ASB2: variants seen among roughly 807,000 people sequenced by gnomAD.
ASB2 encodes ankyrin repeat and SOCS box containing 2.
Under a neutral mutation model 62.4 loss-of-function variants are expected in ASB2, and 58 were observed. The observed-to-expected ratio is 0.93, with a 90% CI of 0.75 to 1.16. The LOEUF (loss-of-function observed/expected upper bound fraction) is 1.16. Ranked by LOEUF, ASB2 falls within the 50% of genes most tolerant of loss-of-function variation. ASB2 has a pLI of 0.00. For missense variants in ASB2, 928 were observed against 887.9 expected, an observed-to-expected ratio of 1.05 and a Z score of -0.57; for synonymous variants, 386 against 385.3, an observed-to-expected ratio of 1.00 and a Z score of -0.02.
intron 2 of ASB2, chr14:93,957,173 G>T: frequency 7.4e-7 from 1 of 1,350,424 alleles, no homozygotes; most frequent in Non-Finnish European, 9.5e-7. Flanking sequence ...GAAAGAGGCA[G>T]ATAGGAAGCA....
chr14:93,955,248 C>T, intron 3 of ASB2: 1 of 443,808 alleles, frequency 2.3e-6, no homozygotes, highest in Non-Finnish European at 4.6e-6. Context: ...GACACCCACG[C>T]CATGTTGGGC....
chr14:93,939,197 A>G lies in ASB2; in HGVS notation c.1528T>C (p.Tyr510His), dbSNP rs151296017. The change falls in exon 8 of 10, where the codon TAC (tyrosine) becomes CAC (histidine). Residue 510 changes from tyrosine to histidine, a missense_variant. By Grantham distance (83) the Tyr-to-His change is moderately conservative. Coordinates refer to ENST00000555019, the MANE Select transcript of ASB2 (RefSeq NM_001202429.2). ...CDGEPCFSCLYGNGPHPPAPQ... is the reference protein window; with the variant it reads ...CDGEPCFSCLHGNGPHPPAPQ... ...GCCGGCGGGTGCGGGCCGTTGCCGTAGAGGCATGAGAAGCAGGGCTCGCCG... is the reference window on the plus strand; with the variant it reads ...GCCGGCGGGTGCGGGCCGTTGCCGTGGAGGCATGAGAAGCAGGGCTCGCCG... 301 of 1,603,784 alleles carry G rather than the reference A, an allele frequency of 1.9e-4. 1 individual carries two copies. The African/African-American group carries it at 3.3e-3, about 18-fold the overall frequency.
chr14:93,967,756 G>C (rs1950349), intron 1 of ASB2, among the ~76,000 whole-genome samples: 4 of 152,026 alleles, frequency 2.6e-5, no homozygotes, highest in Admixed American at 6.5e-5. Context: ...CCCTATGGCC[G>C]TGTCGACAAA....
At chr14:93,957,964 G>A (rs574102841) in intron 2 of ASB2, among the ~76,000 whole-genome samples, 1 of 152,276 alleles carries the variant, frequency 6.6e-6, no homozygotes, top group South Asian at 2.1e-4. Context: ...GTGGGGCATG[G>A]GGTAATTATG....
intron 1 of ASB2, 128 bp downstream of exon 1, chr14:93,976,304 CGA>C (rs943811905): frequency 6.6e-6 from 1 of 152,128 alleles, no homozygotes; most frequent in Non-Finnish European, 1.5e-5. Flanking sequence ...CAAGAAAATA[CGA>C]GAGAGAGGGA....
chr14:93,941,761 C>A (rs1595303645), intron 7 of ASB2: 1 of 447,566 alleles, frequency 2.2e-6, no homozygotes, highest in East Asian at 7.0e-5. Context: ...CAGCTGGTCT[C>A]CGGCAGTTCT....
chr14:93,960,115 G>A (rs1199457137), intron 2 of ASB2, among the ~76,000 whole-genome samples: 1 of 152,168 alleles, frequency 6.6e-6, no homozygotes, highest in African/African-American at 2.4e-5. Context: ...CAGTCCACTT[G>A]GTGAAGGAGA....
At position 93,954,341 on chromosome 14, in the gene ASB2, C is replaced by G. The variant is rs1889091377; in HGVS notation, c.454G>C (p.Gly152Arg). 1 of 1,613,774 alleles carries G rather than the reference C, an allele frequency of 6.2e-7. No homozygotes were observed. The highest frequency in any genetic ancestry group is 8.5e-7 in the Non-Finnish European group (1 of 1,179,924). The change falls in exon 4 of 10, where the codon GGC becomes CGC. Residue 152 changes from glycine (G) to arginine (R), a missense_variant. Physicochemically the swap from Gly to Arg is moderately radical, Grantham distance 125. Transcript: ENST00000555019. ...LHEAAYYGQV[G>R]CLKVLQRAYP... ...CCTCGCTGCAGGACTTTCAGGCAGCCCACCTGGCCATAGTATGCGGCCTCG... is the reference window on the plus strand; with the variant it reads ...CCTCGCTGCAGGACTTTCAGGCAGCGCACCTGGCCATAGTATGCGGCCTCG...
rs1889527918 is a variant in ASB2, at chr14:93,964,627, A to G, written c.-73-15T>C. The stretch of plus-strand genomic sequence containing the variant: ...ATCAGAAAACCCTGTGAGGAAACCA[A>G]AACCATCCTGGTCACGAACAGTTTT... On this transcript the variant is annotated splice_polypyrimidine_tract_variant and intron_variant, in intron 1 of 9. Transcript: ENST00000555019. 2 of 1,244,612 alleles carry G rather than the reference A, an allele frequency of 1.6e-6. No individual in the cohort carries two copies. The highest frequency in any genetic ancestry group is 2.3e-6 in the Non-Finnish European group (2 of 883,338). 77.1% of individuals were successfully genotyped at this position (1,244,612 alleles called of 1,614,324 possible).
chr14:93,953,874 T>C (rs2141296099), intron 4 of ASB2, among the ~76,000 whole-genome samples: 1 of 152,316 alleles, frequency 6.6e-6, no homozygotes, highest in East Asian at 1.9e-4. Flanking sequence ...AGGTGACACC[T>C]GCCTGCAGGA....
intron 2 of ASB2, among the ~76,000 whole-genome samples, chr14:93,960,325 A>T (rs911850197): frequency 6.6e-6 from 1 of 152,166 alleles, no homozygotes; most frequent in East Asian, 1.9e-4. Flanking sequence ...CTTCACCCTC[A>T]TTAGACTGTG....
chr14:93,943,527 C>T (rs908737611), intron 7 of ASB2, among the ~76,000 whole-genome samples: 2 of 152,128 alleles, frequency 1.3e-5, no homozygotes, highest in Admixed American at 1.3e-4. Flanking sequence ...ACCTGTAATC[C>T]CAGCTACTTG....
At chr14:93,942,706 G>A (rs1402893166) in intron 7 of ASB2, among the ~76,000 whole-genome samples, 1 of 152,248 alleles carries the variant, frequency 6.6e-6, no homozygotes, top group Non-Finnish European at 1.5e-5. Context: ...CCCAGCATGG[G>A]CAGTGGGGAA....
intron 9 of ASB2, 51 bp downstream of exon 9, chr14:93,937,647 T>C (rs756625162): frequency 6.3e-7 from 1 of 1,575,720 alleles, no homozygotes; most frequent in East Asian, 2.3e-5. Context: ...CCTGGGACTC[T>C]GAGTCAGGCA....
chr14:93,961,054 GTCCCA>G (rs1889393433), intron 2 of ASB2, among the ~76,000 whole-genome samples: 1 of 152,172 alleles, frequency 6.6e-6, no homozygotes, highest in Admixed American at 6.5e-5. Flanking sequence ...TCAGGAGGGT[GTCCCA>G]GGAAGACCCA....
At chr14:93,954,269 C>T in intron 4 of ASB2, 48 bp downstream of exon 4, 1 of 1,515,188 alleles carries the variant, frequency 6.6e-7, no homozygotes, top group Non-Finnish European at 9.1e-7. Context: ...GCAGCCCTTC[C>T]CCTAGTCCCT....
chr14:93,974,988 C>T (rs369996140), intron 1 of ASB2, among the ~76,000 whole-genome samples: 3 of 152,236 alleles, frequency 2.0e-5, no homozygotes, highest in Non-Finnish European at 2.9e-5. Flanking sequence ...TGGCACCCAG[C>T]GGAGCTGCTG....
intron 6 of ASB2, 67 bp downstream of exon 6, chr14:93,950,932 T>C: frequency 6.5e-7 from 1 of 1,547,556 alleles, no homozygotes; most frequent in Non-Finnish European, 8.8e-7. Flanking sequence ...CCCTTAGAGC[T>C]GACCTCTGAC....
chr14:93,976,313 G>A, intron 1 of ASB2, 121 bp downstream of exon 1: 1 of 152,208 alleles, frequency 6.6e-6, no homozygotes, highest in East Asian at 1.9e-4. Context: ...ACGAGAGAGA[G>A]GGAAAAGCAA....
Sources: allele counts gnomAD v4.1 joint callset (sites outside exome capture counted in the v4.1 genomes callset), GRCh38; gene constraint gnomAD v4.1.1; transcripts MANE v1.5; gene names NCBI Gene and HGNC (gene_info 2026-07-23, HGNC 2026-07-21).